ZDHHC5: variants seen among roughly 807,000 people sequenced by gnomAD.
ZDHHC5 encodes palmitoyltransferase ZDHHC5.
A neutral mutation model predicts 70.0 loss-of-function variants in ZDHHC5; 22 were observed. The ratio of observed to expected loss-of-function variants is 0.31; its 90% CI spans 0.22 to 0.45. The LOEUF (loss-of-function observed/expected upper bound fraction) is 0.45, where lower values mean the gene tolerates loss of function less well. Ranked by LOEUF, ZDHHC5 falls within the 20% of genes least tolerant of loss-of-function variation. The probability of loss-of-function intolerance (pLI) is 1.00; values close to 1 mark genes in which losing one functional copy is unlikely to be tolerated. For synonymous variants in ZDHHC5, 313 were observed against 347.8 expected, an observed-to-expected ratio of 0.90 and a Z score of 1.11; for missense variants, 746 against 926.9, an observed-to-expected ratio of 0.80 and a Z score of 2.53.
At chr11:57,694,956 A>G (rs1946330874) in intron 8 of ZDHHC5, among the ~76,000 whole-genome samples, 1 of 152,070 alleles carries the variant, frequency 6.6e-6, no homozygotes, top group South Asian at 2.1e-4. Context: ...AAAACAGACT[A>G]AAATAAAAAA....
intron 1 of ZDHHC5, 109 bp from the exon 2 acceptor site, chr11:57,671,912 G>C (rs1946011558): frequency 4.6e-6 from 1 of 217,842 alleles, no homozygotes. Flanking sequence ...ATGGAAAACA[G>C]TCTTTCTTTC....
At position 57,699,067 on chromosome 11, in the gene ZDHHC5, T is replaced by C. The variant is rs1427346023; in HGVS notation, c.1631T>C (p.Leu544Pro). The change falls in exon 11 of 12, where the codon CTC becomes CCC. Residue 544 changes from leucine to proline, a missense_variant. Physicochemically the swap from Leu to Pro is moderately conservative, Grantham distance 98. This residue lies in a region of ZDHHC5 where 340 missense variants were observed against 350.1 expected (regional missense o/e 0.97). Transcript: ENST00000287169. Reference sequence around the variant, plus strand: ...CTGTCGCGCCACATTGTGGCCTCTCTCCAGGAACGAGAGAAGTTGCTGCGC... The same window carrying C: ...CTGTCGCGCCACATTGTGGCCTCTCCCCAGGAACGAGAGAAGTTGCTGCGC... ...DNLSRHIVAS[L>P]QEREKLLRQS... is the part of the protein sequence containing the mutation. 2 of 1,613,050 alleles carry C rather than the reference T, an allele frequency of 1.2e-6. No individual in the cohort carries two copies. Among genetic ancestry groups the C allele is most frequent in the African/African-American group, 1.3e-5 (1 of 74,772 alleles).
intron 2 of ZDHHC5, among the ~76,000 whole-genome samples, chr11:57,677,716 A>C (rs757842551): frequency 2.6e-5 from 4 of 151,874 alleles, no homozygotes; most frequent in Non-Finnish European, 5.9e-5. Flanking sequence ...CAACCCTTTT[A>C]CCCACAGGAA....
At position 57,673,041 on chromosome 11, in the gene ZDHHC5, G is replaced by A. The variant is rs1946026165; in HGVS notation, c.-50G>A. 1 of 1,570,474 alleles carries A rather than the reference G, an allele frequency of 6.4e-7. No individual in the cohort carries two copies. Among genetic ancestry groups the A allele is most frequent in the African/African-American group, 1.4e-5 (1 of 73,962 alleles). Reference sequence around the variant, plus strand: ...CCATTTTCTTGTCTGTTCTGCCGCTGTGTGGGCCTGGGCTATGCGGCAGGG... The same window carrying A: ...CCATTTTCTTGTCTGTTCTGCCGCTATGTGGGCCTGGGCTATGCGGCAGGG... On this transcript the variant is annotated 5_prime_UTR_variant, in exon 2 of 12. The change creates a new upstream start codon in the 5' untranslated region. Coordinates refer to ENST00000287169, the MANE Select transcript of ZDHHC5 (RefSeq NM_015457.3).
chr11:57,677,694 T>G (rs1488213643), intron 2 of ZDHHC5, among the ~76,000 whole-genome samples: 1 of 152,192 alleles, frequency 6.6e-6, no homozygotes. Flanking sequence ...AGTTTCTGCC[T>G]CAGTCCTCTT....
At position 57,672,207 on chromosome 11, in the gene ZDHHC5, G is replaced by A. The variant is rs1946015213; in HGVS notation, c.-884G>A. 2.5e-6 allele frequency: 1 copy of A among 398,430 alleles called. No homozygotes were observed. The highest frequency in any genetic ancestry group is 1.3e-4 in the South Asian group (1 of 7,838). 24.7% of individuals were successfully genotyped at this position (398,430 alleles called of 1,614,324 possible). ...TATTCTGCCTATTGGGAAGAACATG[G>A]CTTCAAGGATTTTAAGTTTCCCTTT... On this transcript the variant is annotated 5_prime_UTR_variant, in exon 2 of 12. Transcript: ENST00000287169.
At chr11:57,677,621 G>A (rs753517277) in intron 2 of ZDHHC5, among the ~76,000 whole-genome samples, 6 of 152,150 alleles carry the variant, frequency 3.9e-5, no homozygotes, top group Non-Finnish European at 7.3e-5. Flanking sequence ...TAAAGTCAGA[G>A]TTGTATGGAA....
chr11:57,698,797 C>T lies in ZDHHC5; in HGVS notation c.1361C>T (p.Thr454Ile). ...ATTCGTTCAGAGGGCACCACCTCCA[C>T]CTCCTATAAGAGCCTGGCCAACCAG... The part of the protein sequence containing the change: ...QSIRSEGTTS[T>I]SYKSLANQTR... Residue 454 changes from threonine (T) to isoleucine (I), a missense_variant, in exon 11 of 12, where the codon ACC becomes ATC. By Grantham distance (89) the Thr-to-Ile change is moderately conservative. This residue lies in a region of ZDHHC5 where 340 missense variants were observed against 350.1 expected (regional missense o/e 0.97). Coordinates refer to ENST00000287169, the MANE Select transcript of ZDHHC5 (RefSeq NM_015457.3). The T allele has an allele frequency of 6.2e-7, 1 of 1,614,234 alleles. No homozygotes were observed. The highest frequency in any genetic ancestry group is 8.5e-7 in the Non-Finnish European group (1 of 1,180,034).
At chr11:57,686,215 G>A (rs979916402) in intron 3 of ZDHHC5, among the ~76,000 whole-genome samples, 1 of 152,072 alleles carries the variant, frequency 6.6e-6, no homozygotes, top group African/African-American at 2.4e-5. Flanking sequence ...GTTCAGGGCT[G>A]CAGTGAGCTG....
chr11:57,687,496 G>A (rs908123932), intron 3 of ZDHHC5, among the ~76,000 whole-genome samples: 1 of 151,972 alleles, frequency 6.6e-6, no homozygotes, highest in East Asian at 2.0e-4. Flanking sequence ...ACTTGAACCC[G>A]GCAGGTGGAG....
In ZDHHC5 at chr11:57,687,463, T is replaced by C. The variant is rs371721335; in HGVS notation, c.227-1045T>C. ...GCGTGCGCCTGTAATCCCAGCTGTTTGGGAGGCTGAGACAGAAGTATCACT... is the reference window on the plus strand; with the variant it reads ...GCGTGCGCCTGTAATCCCAGCTGTTCGGGAGGCTGAGACAGAAGTATCACT... On this transcript the variant is annotated intron_variant, in intron 3 of 11. Transcript: ENST00000287169. 5.9e-4 allele frequency among the ~76,000 whole-genome samples: 90 copies of C among 151,968 alleles called. No homozygotes were observed. The South Asian group carries it at 0.016, about 26-fold the overall frequency.
chr11:57,690,531 G>A, intron 6 of ZDHHC5, 94 bp downstream of exon 6: 1 of 1,266,540 alleles, frequency 7.9e-7, no homozygotes, highest in East Asian at 2.3e-5. Flanking sequence ...ACAAAGAGAT[G>A]CTTAATGAAT....
rs1280749006 is a variant in ZDHHC5 at position 57,700,630 on chromosome 11, G to A, written c.*599G>A. On this transcript the variant is annotated 3_prime_UTR_variant, in exon 12 of 12. Coordinates refer to ENST00000287169, the MANE Select transcript of ZDHHC5 (RefSeq NM_015457.3). ...ATAGCATCCTCTGCTGGTGCTAAGT[G>A]TGATTAGGAAGAAGCCTGGGGAGAG... The A allele has an allele frequency of 2.0e-5, 3 of 152,508 alleles. No individual in the cohort carries two copies. The highest frequency in any genetic ancestry group is 7.2e-5 in the African/African-American group (3 of 41,412). The allele number at this position is 152,508 out of a possible 1,614,324, so 9.4% of individuals were successfully genotyped here.
chr11:57,693,706 A>G, intron 7 of ZDHHC5, 77 bp from the exon 8 acceptor site: 1 of 1,447,754 alleles, frequency 6.9e-7, no homozygotes, highest in Non-Finnish European at 9.1e-7. Flanking sequence ...GGTTTACAGA[A>G]ACAGTAGATA....
At chr11:57,687,871 A>G (rs185844991) in intron 3 of ZDHHC5, among the ~76,000 whole-genome samples, 66 of 147,586 alleles carry the variant, frequency 4.5e-4, no homozygotes, top group Middle Eastern at 3.5e-3. Context: ...CCCGGGTTCA[A>G]GCGATTCTCT....
In ZDHHC5 at chr11:57,672,471, G is replaced by T. The variant is rs967424490; in HGVS notation, c.-620G>T. 2 of 377,086 alleles carry T rather than the reference G, an allele frequency of 5.3e-6. No individual in the cohort carries two copies. The highest frequency in any genetic ancestry group is 4.1e-5 in the African/African-American group (2 of 48,194). 23.4% of individuals were successfully genotyped at this position (377,086 alleles called of 1,614,324 possible). On this transcript the variant is annotated 5_prime_UTR_variant, in exon 2 of 12. Transcript: ENST00000287169. The stretch of plus-strand genomic sequence containing the variant: ...GGTGTGGGAGTGGTGGCATTGAGAA[G>T]ACTACCTAAAAGAGACAAAGACTGC...
At chr11:57,685,341 AT>A (rs954790493) in intron 3 of ZDHHC5, among the ~76,000 whole-genome samples, 6 of 152,098 alleles carry the variant, frequency 3.9e-5, no homozygotes, top group Non-Finnish European at 8.8e-5. Context: ...TATGATGGTC[AT>A]TTGGGGTTTT....
Position 57,672,848 on chromosome 11 carries a change from G to T in ZDHHC5, c.-243G>T. Reference sequence around the variant, plus strand: ...GTTTCTTAATCTTCCCTTCTGCCTTGTTCTGGGGAGGTGGTTATTCATCAT... The same window carrying T: ...GTTTCTTAATCTTCCCTTCTGCCTTTTTCTGGGGAGGTGGTTATTCATCAT... On this transcript the variant is annotated 5_prime_UTR_variant, in exon 2 of 12. Coordinates refer to ENST00000287169, the MANE Select transcript of ZDHHC5 (RefSeq NM_015457.3). The T allele has an allele frequency of 2.1e-6, 1 of 469,316 alleles. No homozygotes were observed. 29.1% of individuals were successfully genotyped at this position (469,316 alleles called of 1,614,324 possible).
intron 6 of ZDHHC5, among the ~76,000 whole-genome samples, chr11:57,690,918 A>C (rs1946277115): frequency 6.6e-6 from 1 of 152,148 alleles, no homozygotes; most frequent in African/African-American, 2.4e-5. Context: ...TAATGGGTGC[A>C]GCACACCAAC....
Sources: gnomAD v4.1 joint callset for allele counts (sites outside exome capture counted in the v4.1 genomes callset) on GRCh38, gnomAD v4.1.1 for gene constraint, gnomAD v4.1.1 regional missense constraint, MANE v1.5 for transcripts, NCBI Gene and HGNC (gene_info 2026-07-23, HGNC 2026-07-21) for gene names.